Variants in PIP5K1C observed in about 807,000 individuals in gnomAD.
PIP5K1C encodes the protein phosphatidylinositol-4-phosphate 5-kinase type 1 gamma.
Under a neutral mutation model 80.1 loss-of-function variants are expected in PIP5K1C, and 45 were observed. That is an observed-to-expected ratio of 0.56 (90% CI 0.44 to 0.72). PIP5K1C has a LOEUF of 0.72. Ranked by LOEUF, PIP5K1C falls within the 30% of genes least tolerant of loss-of-function variation. The probability of loss-of-function intolerance (pLI) is 0.00; values close to 1 mark genes in which losing one functional copy is unlikely to be tolerated. For synonymous variants in PIP5K1C, 498 were observed against 420.1 expected, an observed-to-expected ratio of 1.19 and a Z score of -2.27; for missense variants, 753 against 954.6, an observed-to-expected ratio of 0.79 and a Z score of 2.78.
At chr19:3,700,167 G>A (rs1024393878) in intron 1 of PIP5K1C, 130 bp downstream of exon 1, 21 of 399,210 alleles carry the variant, frequency 5.3e-5, no homozygotes, top group Admixed American at 1.7e-4. Context: ...GGACTGCCCC[G>A]CCCCAGGCTC....
chr19:3,636,685 C>T, intron 16 of PIP5K1C: 1 of 985,718 alleles, frequency 1.0e-6, no homozygotes, highest in Non-Finnish European at 1.2e-6. Context: ...GTGGTCTCCA[C>T]CTCTTGGGGT....
Position 3,641,904 on chromosome 19 carries a change from G to A in PIP5K1C, c.1683-95C>T, listed in dbSNP as rs998727336. On this transcript the variant is annotated intron_variant, in intron 14 of 17. Coordinates refer to ENST00000335312, the MANE Select transcript of PIP5K1C (RefSeq NM_012398.3). ...AGTGAACTCCAGGGCCAGTCCCAGA[G>A]GGGAGTTGGGAGCCTCCTGATTGGG... is the stretch of plus-strand genomic sequence containing the variant. 9 of 981,070 alleles carry A rather than the reference G, an allele frequency of 9.2e-6. No individual in the cohort carries two copies. The African/African-American group carries it at 1.3e-4, about 14-fold the overall frequency. 60.8% of individuals were successfully genotyped at this position (981,070 alleles called of 1,614,324 possible).
At chr19:3,640,025 G>A (rs1209338501) in intron 15 of PIP5K1C, among the ~76,000 whole-genome samples, 1 of 152,194 alleles carries the variant, frequency 6.6e-6, no homozygotes, top group Non-Finnish European at 1.5e-5. Context: ...GCAAAGAGTT[G>A]ACAGTGGCAG....
rs549867818 is a variant in PIP5K1C at position 3,632,025 on chromosome 19, C to G, written c.*1142G>C. The G allele has an allele frequency of 1.3e-5, 2 of 152,402 alleles. No homozygotes were observed. Among genetic ancestry groups the G allele is most frequent in the Admixed American group, 6.5e-5 (1 of 15,306 alleles). 9.4% of individuals were successfully genotyped at this position (152,402 alleles called of 1,614,324 possible). A position where few individuals can be genotyped will look rare whatever the true frequency, so the allele number is the denominator to read the frequency against. On this transcript the variant is annotated 3_prime_UTR_variant, in exon 18 of 18. Coordinates refer to ENST00000335312, the MANE Select transcript of PIP5K1C (RefSeq NM_012398.3). Reference sequence around the variant, plus strand: ...TCCAACCAGCACCCTCTGAGCGCAGCGGGCCCAGGAAGCTGCCCCAGGGCA... The same window carrying G: ...TCCAACCAGCACCCTCTGAGCGCAGGGGGCCCAGGAAGCTGCCCCAGGGCA...
At chr19:3,659,593 T>TAGG (rs1451788408) in intron 5 of PIP5K1C, among the ~76,000 whole-genome samples, 2 of 152,168 alleles carry the variant, frequency 1.3e-5, no homozygotes, top group Non-Finnish European at 2.9e-5. Context: ...AGCTGTGTTT[T>TAGG]CACTCCCCAC....
At chr19:3,686,672 C>G (rs924725031) in intron 1 of PIP5K1C, among the ~76,000 whole-genome samples, 2 of 151,472 alleles carry the variant, frequency 1.3e-5, no homozygotes, top group South Asian at 2.1e-4. Context: ...GAACCGAGAT[C>G]GCACCATTGC....
intron 13 of PIP5K1C, 24 bp downstream of exon 13, chr19:3,643,219 A>ATGCACTGCGGATGCCTCGCCCACC: frequency 1.2e-6 from 2 of 1,610,994 alleles, no homozygotes; most frequent in Middle Eastern, 1.7e-4. Flanking sequence ...CCCCGCCCAC[A>ATGCACTGCGGATGCCTCGCCCACC]TGCACTGCGG....
intron 1 of PIP5K1C, among the ~76,000 whole-genome samples, chr19:3,684,477 C>T (rs76556268): frequency 0.031 from 4,696 of 152,326 alleles, 127 homozygotes; most frequent in Middle Eastern, 0.085. Context: ...AGCCTCTGCT[C>T]TCTTGGAATC....
intron 16 of PIP5K1C, among the ~76,000 whole-genome samples, chr19:3,636,164 G>GA (rs1373863665): frequency 4.0e-5 from 6 of 151,814 alleles, no homozygotes; most frequent in East Asian, 3.9e-4. Flanking sequence ...CTCAAAAAAT[G>GA]AAAAAAAAGA....
chr19:3,694,129 G>A (rs912227694), intron 1 of PIP5K1C, among the ~76,000 whole-genome samples: 3 of 151,016 alleles, frequency 2.0e-5, no homozygotes, highest in African/African-American at 7.3e-5. Flanking sequence ...GGAGAATGGC[G>A]TGAACCCGGG....
In PIP5K1C at chr19:3,667,514, C is replaced by T. The variant is rs148890020; in HGVS notation, c.95-161G>A. Among the ~76,000 whole-genome samples the T allele has an allele frequency of 1.8e-4, 27 of 152,326 alleles. No individual in the cohort carries two copies. In the South Asian group the frequency reaches 2.1e-3, roughly 12 times the overall value. On this transcript the variant is annotated intron_variant, in intron 1 of 17. Transcript: ENST00000335312. ...CACAAGTGAAGACATGGACTGAGTGCGCTGGGAGGATGTGATGAGGGTGGG... is the reference window on the plus strand; with the variant it reads ...CACAAGTGAAGACATGGACTGAGTGTGCTGGGAGGATGTGATGAGGGTGGG...
chr19:3,664,341 G>A (rs577237662), intron 3 of PIP5K1C, among the ~76,000 whole-genome samples: 1 of 152,302 alleles, frequency 6.6e-6, no homozygotes, highest in African/African-American at 2.4e-5. Flanking sequence ...ACACTTTAAA[G>A]GCTGAATTGT....
intron 1 of PIP5K1C, among the ~76,000 whole-genome samples, chr19:3,683,313 G>C (rs928631477): frequency 6.6e-6 from 1 of 152,282 alleles, no homozygotes. Flanking sequence ...ACGGAGATCT[G>C]GGTCCAGGGC....
Position 3,644,053 on chromosome 19 carries a change from C to T in PIP5K1C, c.1510+34G>A, listed in dbSNP as rs376188828. Reference sequence around the variant, plus strand: ...GGGCTGCTGCTGGCACCCCCTGTAGCGCCCACAAGCGCACTCTGCCCTCTG... The same window carrying T: ...GGGCTGCTGCTGGCACCCCCTGTAGTGCCCACAAGCGCACTCTGCCCTCTG... On this transcript the variant is annotated intron_variant, in intron 12 of 17. Coordinates refer to ENST00000335312, the MANE Select transcript of PIP5K1C (RefSeq NM_012398.3). 203 of 1,607,354 alleles carry T rather than the reference C, an allele frequency of 1.3e-4. 2 individuals carry two copies. The Middle Eastern group carries it at 1.5e-3, about 12-fold the overall frequency.
intron 1 of PIP5K1C, among the ~76,000 whole-genome samples, chr19:3,668,062 C>T (rs1415211074): frequency 2.0e-5 from 3 of 151,500 alleles, no homozygotes; most frequent in Non-Finnish European, 3.0e-5. Flanking sequence ...GGCTCCTGGG[C>T]CCGCAGCCTC....
At position 3,643,375 on chromosome 19, in the gene PIP5K1C, G is replaced by A; in HGVS notation, c.1517C>T (p.Pro506Leu). 1.2e-6 allele frequency: 2 copies of A among 1,613,514 alleles called. No individual in the cohort carries two copies. Among genetic ancestry groups the A allele is most frequent in the Non-Finnish European group, 1.7e-6 (2 of 1,179,918 alleles). Residue 506 changes from proline (P) to leucine (L), a missense_variant, in exon 13 of 18, where the codon CCC (proline) becomes CTC (leucine). By Grantham distance (98) the Pro-to-Leu change is moderately conservative. Around this residue, in one of 6 missense-constraint regions of PIP5K1C, gnomAD observed 315 missense variants for 294.5 expected, o/e 1.07. Coordinates refer to ENST00000335312, the MANE Select transcript of PIP5K1C (RefSeq NM_012398.3). ...SYPTLEDEGR[P>L]DLLPCTPPSF... ...AGGTGGCGTGCAGGGCAGGAGGTCGGGCCGGCCTGAGGGGAGAGGACTGTG... is the reference window on the plus strand; with the variant it reads ...AGGTGGCGTGCAGGGCAGGAGGTCGAGCCGGCCTGAGGGGAGAGGACTGTG...
chr19:3,653,165 G>A (rs886857710), intron 7 of PIP5K1C, 125 bp downstream of exon 7: 122 of 803,618 alleles, frequency 1.5e-4, no homozygotes, highest in Middle Eastern at 7.0e-4. Flanking sequence ...GGTGGGGCCT[G>A]CTGTAGGCTG....
intron 1 of PIP5K1C, among the ~76,000 whole-genome samples, chr19:3,673,312 G>C (rs1439616584): frequency 6.6e-6 from 1 of 151,986 alleles, no homozygotes; most frequent in East Asian, 1.9e-4. Flanking sequence ...CCCCTCAGAG[G>C]CCTCCTCCAG....
At position 3,633,197 on chromosome 19, in the gene PIP5K1C, T is replaced by C. The variant is rs758391155; in HGVS notation, c.2005-28A>G. ...GCAAGAGCAAGAGGACAGGTGAAGG[T>C]GGGCGGGGCGAGGGCCCACCCCAGG... On this transcript the variant is annotated intron_variant, in intron 17 of 17. Coordinates refer to ENST00000335312, the MANE Select transcript of PIP5K1C (RefSeq NM_012398.3). 4.5e-5 allele frequency: 34 copies of C among 752,180 alleles called. No homozygotes were observed. The African/African-American group carries it at 5.2e-4, about 11-fold the overall frequency. 46.6% of individuals were successfully genotyped at this position (752,180 alleles called of 1,614,324 possible).
Sources: gnomAD v4.1 joint callset for allele counts (sites outside exome capture counted in the v4.1 genomes callset) on GRCh38, gnomAD v4.1.1 for gene constraint, gnomAD v4.1.1 regional missense constraint, MANE v1.5 for transcripts, NCBI Gene and HGNC (gene_info 2026-07-23, HGNC 2026-07-21) for gene names.